ZPBP: variants seen among roughly 807,000 people sequenced by gnomAD.
The protein encoded by ZPBP is zona pellucida-binding protein 1.
ZPBP carries 26 observed loss-of-function variants against 44.8 expected under a neutral mutation model. The ratio of observed to expected loss-of-function variants is 0.58; its 90% CI spans 0.43 to 0.81. The LOEUF is 0.81. Ranked by LOEUF, ZPBP falls within the 30% of genes least tolerant of loss-of-function variation. The pLI is 0.00. For missense variants in ZPBP, 409 were observed against 434.0 expected, an observed-to-expected ratio of 0.94 and a Z score of 0.51; for synonymous variants, 174 against 153.2, an observed-to-expected ratio of 1.14 and a Z score of -1.00.
intron 4 of ZPBP, among the ~76,000 whole-genome samples, chr7:50,053,404 T>C (rs1197755279): frequency 6.6e-6 from 1 of 152,142 alleles, no homozygotes; most frequent in Admixed American, 6.6e-5. Context: ...TAACTGAAAA[T>C]GGTTTAAGAG....
At chr7:50,032,920 ATT>A (rs762547411) in intron 4 of ZPBP, among the ~76,000 whole-genome samples, 3 of 152,340 alleles carry the variant, frequency 2.0e-5, no homozygotes, top group Admixed American at 6.5e-5. Flanking sequence ...AGATAATACA[ATT>A]AGACTGGGTA....
downstream of ZPBP, among the ~76,000 whole-genome samples, chr7:49,848,416 G>A (rs114706518): frequency 7.7e-3 from 1,171 of 152,306 alleles, 23 homozygotes; most frequent in African/African-American, 0.027. Flanking sequence ...GCATGGCCCC[G>A]GACCAGCTGT....
rs575936967 is a variant in ZPBP, at chr7:50,028,898, T to C, written c.706+2194A>G. 2.8e-4 allele frequency among the ~76,000 whole-genome samples: 43 copies of C among 152,282 alleles called. No individual in the cohort carries two copies. The South Asian group carries it at 8.9e-3, about 32-fold the overall frequency. Reference sequence around the variant, plus strand: ...TCACAGATTAAAAGACTTAATATTGTTAAGGTGGCAATAATATCCAAAGCT... The same window carrying C: ...TCACAGATTAAAAGACTTAATATTGCTAAGGTGGCAATAATATCCAAAGCT... On this transcript the variant is annotated intron_variant, in intron 5 of 7. Transcript: ENST00000046087.
At chr7:49,880,708 G>A (rs1281519490) in intron 2 of ZPBP, among the ~76,000 whole-genome samples, 1 of 152,044 alleles carries the variant, frequency 6.6e-6, no homozygotes, top group Non-Finnish European at 1.5e-5. Flanking sequence ...GGAAGGGATA[G>A]CATTAGGAGA....
At chr7:50,092,906 CTT>C in intron 1 of ZPBP, 160 bp downstream of exon 1, 1 of 1,126,572 alleles carries the variant, frequency 8.9e-7, no homozygotes, top group African/African-American at 1.6e-5. Context: ...TGCAGAGTGA[CTT>C]TGTACGACTT....
Position 49,946,712 on chromosome 7 carries a change from T to C in ZPBP, c.962-9090A>G, listed in dbSNP as rs150522359. On this transcript the variant is annotated intron_variant, in intron 7 of 7. Coordinates refer to ENST00000046087, the MANE Select transcript of ZPBP (RefSeq NM_007009.3). ...TAAAGTTGCTTGGTGTTCTATACCT[T>C]TCTTGTCCTTGAATACTGATACCTT... Among the ~76,000 whole-genome samples the C allele has an allele frequency of 2.4e-3, 365 of 152,246 alleles. 3 individuals carry two copies. Among genetic ancestry groups the C allele is most frequent in the African/African-American group, 8.5e-3 (352 of 41,548 alleles).
chr7:49,984,416 T>C (rs1020065994), intron 6 of ZPBP, among the ~76,000 whole-genome samples: 2 of 152,254 alleles, frequency 1.3e-5, no homozygotes, highest in Admixed American at 6.5e-5. Context: ...AGGTTATCTA[T>C]ATAAGGCAGT....
chr7:49,866,296 TG>T (rs1790888288), intron 2 of ZPBP, among the ~76,000 whole-genome samples: 1 of 152,222 alleles, frequency 6.6e-6, no homozygotes, highest in African/African-American at 2.4e-5. Context: ...TGTCTTGCTA[TG>T]GCCTAACACT....
At chr7:50,013,324 C>T (rs1381450582) in intron 6 of ZPBP, among the ~76,000 whole-genome samples, 1 of 151,902 alleles carries the variant, frequency 6.6e-6, no homozygotes, top group Non-Finnish European at 1.5e-5. Flanking sequence ...TCACATTTCT[C>T]TGACTGTAAA....
At chr7:49,965,618 T>A (rs958634401) in intron 7 of ZPBP, among the ~76,000 whole-genome samples, 4 of 151,534 alleles carry the variant, frequency 2.6e-5, no homozygotes, top group African/African-American at 7.3e-5. Flanking sequence ...TACATGAGAG[T>A]TTTTTTGGTG....
chr7:50,000,544 A>G lies in ZPBP; in HGVS notation c.784-17025T>C, dbSNP rs7789731. Among the ~76,000 whole-genome samples, 509 of 152,270 alleles carry G rather than the reference A, an allele frequency of 3.3e-3. 1 individual carries two copies. The highest frequency in any genetic ancestry group is 0.011 in the African/African-American group (469 of 41,562). On this transcript the variant is annotated intron_variant, in intron 6 of 7. Transcript: ENST00000046087. ...AATGAAAAGCATCTGATGACCTCCA[A>G]TGCAGGTCTCCCTACCTTGCTACCT...
intron 3 of ZPBP, among the ~76,000 whole-genome samples, chr7:50,070,444 G>T (rs779380758): frequency 1.3e-5 from 2 of 152,210 alleles, no homozygotes; most frequent in Admixed American, 6.5e-5. Flanking sequence ...GTGCCGGGAC[G>T]CAGGAGAGCC....
At chr7:50,022,931 G>A (rs1051473677) in intron 5 of ZPBP, among the ~76,000 whole-genome samples, 1 of 152,028 alleles carries the variant, frequency 6.6e-6, no homozygotes, top group African/African-American at 2.4e-5. Context: ...GTAGGGGAGG[G>A]CTTCCAAACT....
At chr7:50,035,365 C>G (rs1161115975) in intron 4 of ZPBP, among the ~76,000 whole-genome samples, 1 of 152,210 alleles carries the variant, frequency 6.6e-6, no homozygotes, top group African/African-American at 2.4e-5. Flanking sequence ...AGTTCAAGGC[C>G]ACTGCCTTGC....
At chr7:49,929,928 T>G (rs1343785483) in intron 1 of ZPBP, among the ~76,000 whole-genome samples, 1 of 152,214 alleles carries the variant, frequency 6.6e-6, no homozygotes, top group Non-Finnish European at 1.5e-5. Flanking sequence ...TCATTCAAAG[T>G]CCTTGTCCCC....
chr7:49,988,257 T>C (rs912637683), intron 6 of ZPBP, among the ~76,000 whole-genome samples: 3 of 152,184 alleles, frequency 2.0e-5, no homozygotes, highest in South Asian at 4.1e-4. Flanking sequence ...AATTCTTTCA[T>C]ATCATCAAGT....
At chr7:50,045,278 T>C (rs1423353228) in intron 4 of ZPBP, among the ~76,000 whole-genome samples, 2 of 152,124 alleles carry the variant, frequency 1.3e-5, no homozygotes, top group East Asian at 1.9e-4. Flanking sequence ...CTATTCAATA[T>C]AGTATTGGAA....
chr7:49,922,360 C>G (rs572870116), intron 1 of ZPBP, among the ~76,000 whole-genome samples: 3 of 152,092 alleles, frequency 2.0e-5, no homozygotes, highest in African/African-American at 7.2e-5. Context: ...TCTGCGCTGG[C>G]TTGGAGAAAG....
At chr7:49,965,896 G>A (rs1431781124) in intron 7 of ZPBP, among the ~76,000 whole-genome samples, 1 of 151,926 alleles carries the variant, frequency 6.6e-6, no homozygotes, top group Admixed American at 6.6e-5. Flanking sequence ...TACCTAATAG[G>A]TCAAGTCAGA....
Sources: allele counts gnomAD v4.1 joint callset (sites outside exome capture counted in the v4.1 genomes callset), GRCh38; gene constraint gnomAD v4.1.1; transcripts MANE v1.5; gene names NCBI Gene and HGNC (gene_info 2026-07-23, HGNC 2026-07-21).